FTO: variants seen among roughly 807,000 people sequenced by gnomAD.
FTO encodes FTO alpha-ketoglutarate dependent dioxygenase, also known as alpha-ketoglutarate-dependent dioxygenase FTO.
A neutral mutation model predicts 63.9 loss-of-function variants in FTO; 47 were observed. The ratio of observed to expected loss-of-function variants is 0.74; its 90% CI spans 0.58 to 0.94. The LOEUF (loss-of-function observed/expected upper bound fraction) is 0.94, where lower values mean the gene tolerates loss of function less well. Ranked by LOEUF, FTO falls within the 40% of genes least tolerant of loss-of-function variation. The pLI, the probability that FTO is intolerant of heterozygous loss-of-function variation, is 0.00. For synonymous variants in FTO, 207 were observed against 224.4 expected (o/e 0.92, Z 0.69); for missense variants, 562 against 618.1 (o/e 0.91, Z 0.96).
intron 7 of FTO, among the ~76,000 whole-genome samples, chr16:53,918,242 C>G (rs2081928788): frequency 6.6e-6 from 1 of 152,116 alleles, no homozygotes; most frequent in African/African-American, 2.4e-5. Context: ...GTGTGAACAT[C>G]ATAGAGTGTA....
intron 1 of FTO, among the ~76,000 whole-genome samples, chr16:53,763,402 T>A (rs1567965785): frequency 6.6e-6 from 1 of 152,200 alleles, no homozygotes; most frequent in Non-Finnish European, 1.5e-5. Context: ...CCGCAGATTG[T>A]GTTTGGGAGA....
chr16:54,114,121 T>G lies in FTO; in HGVS notation c.*2206T>G, dbSNP rs2086947669. ...GCCAAGCCAAGGTCTGCATTTTTCT[T>G]TAGAACTCAGAACACCCAATAGTCC... On this transcript the variant is annotated 3_prime_UTR_variant, in exon 9 of 9. Transcript: ENST00000471389. 1 of 152,228 alleles carries G rather than the reference T, an allele frequency of 6.6e-6. No homozygotes were observed. The allele number at this position is 152,228 out of a possible 1,614,324, so 9.4% of individuals were successfully genotyped here. A position where few individuals can be genotyped will look rare whatever the true frequency, so the allele number is the denominator to read the frequency against.
intron 3 of FTO, among the ~76,000 whole-genome samples, chr16:53,840,364 G>C (rs1271653080): frequency 6.6e-6 from 1 of 152,066 alleles, no homozygotes; most frequent in Non-Finnish European, 1.5e-5. Context: ...TTATTATACT[G>C]TATGCTGTCA....
intron 8 of FTO, chr16:54,008,624 T>C (rs2084264631): frequency 6.6e-6 from 1 of 151,964 alleles, no homozygotes; most frequent in African/African-American, 2.4e-5. Context: ...GTTACTGATA[T>C]TGTTTGACCT....
At chr16:53,987,437 G>T (rs1240171248) in intron 8 of FTO, among the ~76,000 whole-genome samples, 1 of 151,986 alleles carries the variant, frequency 6.6e-6, no homozygotes, top group Non-Finnish European at 1.5e-5. Context: ...AAAAAAATTA[G>T]CTGGGCATGG....
chr16:54,049,368 G>A (rs1448208065), intron 8 of FTO, among the ~76,000 whole-genome samples: 4 of 152,168 alleles, frequency 2.6e-5, no homozygotes, highest in Admixed American at 1.3e-4. Context: ...ATGGCTGCCC[G>A]TTTATGCCGG....
chr16:53,955,760 C>T (rs532804682), intron 8 of FTO, among the ~76,000 whole-genome samples: 2 of 152,096 alleles, frequency 1.3e-5, no homozygotes, highest in South Asian at 2.1e-4. Flanking sequence ...TAACATTGAC[C>T]ATAAGTACAT....
chr16:53,837,509 G>GT (rs923914382), intron 3 of FTO, among the ~76,000 whole-genome samples: 10 of 151,156 alleles, frequency 6.6e-5, no homozygotes, highest in Admixed American at 2.0e-4. Context: ...TGATTAGTTT[G>GT]TTTTTTTTTC....
At chr16:53,908,893 T>C (rs12935710) in intron 7 of FTO, among the ~76,000 whole-genome samples, 110,597 of 152,156 alleles carry the variant, frequency 0.73, 41,234 homozygotes, top group East Asian at 0.98. Context: ...TGAGTATCGT[T>C]TCTCATGTGA....
At chr16:54,058,676 T>A (rs555887459) in intron 8 of FTO, among the ~76,000 whole-genome samples, 1 of 152,266 alleles carries the variant, frequency 6.6e-6, no homozygotes, top group Non-Finnish European at 1.5e-5. Flanking sequence ...CTGATTTAAG[T>A]GGGGAAAGGC....
At chr16:53,770,382 T>C (rs1353452421) in intron 1 of FTO, among the ~76,000 whole-genome samples, 1 of 152,220 alleles carries the variant, frequency 6.6e-6, no homozygotes, top group Non-Finnish European at 1.5e-5. Flanking sequence ...AATGAGTTTC[T>C]CAAGGCCAAA....
At chr16:53,882,983 C>G (rs1598901526) in intron 6 of FTO, among the ~76,000 whole-genome samples, 1 of 152,092 alleles carries the variant, frequency 6.6e-6, no homozygotes, top group African/African-American at 2.4e-5. Context: ...TCTACTTTCT[C>G]TCTTATTAGT....
At chr16:53,990,928 A>G (rs1451808370) in intron 8 of FTO, 1 of 152,096 alleles carries the variant, frequency 6.6e-6, no homozygotes, top group Non-Finnish European at 1.5e-5. Context: ...TCGGCCTCCC[A>G]AAGTGCTGGG....
rs1434528819 is a variant in FTO, at chr16:54,114,325, CT to C, written c.*2411del. ...TCTCCAAACCTGCTTGCTTGCACCC[CT>C]CTAGTCGAAATATTTTGTGCTTACC... On this transcript the variant is annotated 3_prime_UTR_variant, in exon 9 of 9. Coordinates refer to ENST00000471389, the MANE Select transcript of FTO (RefSeq NM_001080432.3). The C allele has an allele frequency of 6.6e-6, 1 of 152,140 alleles. No homozygotes were observed. Among genetic ancestry groups the C allele is most frequent in the Non-Finnish European group, 1.5e-5 (1 of 68,044 alleles). 9.4% of individuals were successfully genotyped at this position (152,140 alleles called of 1,614,324 possible). A position where few individuals can be genotyped will look rare whatever the true frequency, so the allele number is the denominator to read the frequency against.
chr16:53,823,004 T>C (rs1470781967), intron 2 of FTO, among the ~76,000 whole-genome samples: 1 of 152,202 alleles, frequency 6.6e-6, no homozygotes, highest in Non-Finnish European at 1.5e-5. Flanking sequence ...GCCTTCTTCT[T>C]TATCAAAAGC....
chr16:54,015,341 C>T (rs1488734821), intron 8 of FTO, among the ~76,000 whole-genome samples: 2 of 152,182 alleles, frequency 1.3e-5, no homozygotes, highest in East Asian at 3.9e-4. Context: ...GTGTGCGTCA[C>T]CTACACAAAC....
intron 8 of FTO, among the ~76,000 whole-genome samples, chr16:54,100,667 A>C (rs2086620623): frequency 6.6e-6 from 1 of 152,098 alleles, no homozygotes. Context: ...TGGCTCTTTT[A>C]AATGTTTTTA....
At chr16:53,856,150 T>C (rs546048739) in intron 4 of FTO, among the ~76,000 whole-genome samples, 31 of 152,238 alleles carry the variant, frequency 2.0e-4, no homozygotes, top group Non-Finnish European at 4.0e-4. Flanking sequence ...TATTTGCCAC[T>C]CCTGTAAAGA....
At chr16:53,809,363 T>A (rs187615703) in intron 1 of FTO, among the ~76,000 whole-genome samples, 1 of 152,306 alleles carries the variant, frequency 6.6e-6, no homozygotes, top group East Asian at 1.9e-4. Context: ...GATGAATAAC[T>A]CTTCCACATA....
Sources: gnomAD v4.1 joint callset for allele counts (sites outside exome capture counted in the v4.1 genomes callset) on GRCh38, gnomAD v4.1.1 for gene constraint, MANE v1.5 for transcripts, NCBI Gene and HGNC (gene_info 2026-07-23, HGNC 2026-07-21) for gene names.